The following TTC29 variants were observed in gnomAD, a reference collection of about 807,000 sequenced individuals.
TTC29 encodes the protein tetratricopeptide repeat protein 29.
A neutral mutation model predicts 58.1 loss-of-function variants in TTC29; 49 were observed. The observed-to-expected ratio is 0.84, with a 90% confidence interval of 0.67 to 1.07. The LOEUF is 1.07. TTC29 is among the 50% of genes least tolerant of loss of function. The probability of loss-of-function intolerance (pLI) is 0.00; values close to 1 mark genes in which losing one functional copy is unlikely to be tolerated. For missense variants in TTC29, 582 were observed against 555.6 expected (o/e 1.05, Z -0.48); for synonymous variants, 209 against 196.8 (o/e 1.06, Z -0.52).
chr4:146,922,012 C>CAA (rs34167190), intron 4 of TTC29, among the ~76,000 whole-genome samples: 162 of 107,330 alleles, frequency 1.5e-3, no homozygotes, highest in African/African-American at 4.3e-3. Context: ...GGATCCCCTA[C>CAA]AAAAAAAAAA....
intron 8 of TTC29, among the ~76,000 whole-genome samples, chr4:146,845,817 TCACA>T (rs112302644): frequency 0.066 from 9,779 of 148,874 alleles, 412 homozygotes; most frequent in Admixed American, 0.13. Flanking sequence ...GTACACACAA[TCACA>T]CACACACACA....
chr4:146,741,631 C>T (rs1166702929), intron 11 of TTC29, among the ~76,000 whole-genome samples: 1 of 152,054 alleles, frequency 6.6e-6, no homozygotes, highest in South Asian at 2.1e-4. Flanking sequence ...ATCTCCAGTT[C>T]CTCCTCTACA....
intron 11 of TTC29, among the ~76,000 whole-genome samples, chr4:146,737,749 G>T (rs1744830222): frequency 6.6e-6 from 1 of 152,060 alleles, no homozygotes; most frequent in South Asian, 2.1e-4. Flanking sequence ...TTCAGACCAA[G>T]GAACAAACAA....
At chr4:146,933,230 T>G (rs1735488362) in intron 4 of TTC29, among the ~76,000 whole-genome samples, 1 of 152,182 alleles carries the variant, frequency 6.6e-6, no homozygotes, top group Non-Finnish European at 1.5e-5. Context: ...AGTAATATCT[T>G]AGAGATGCCC....
intron 10 of TTC29, among the ~76,000 whole-genome samples, chr4:146,816,124 A>T (rs1230909915): frequency 6.6e-6 from 1 of 152,102 alleles, no homozygotes; most frequent in Non-Finnish European, 1.5e-5. Context: ...CAACTTCCAG[A>T]AGTTAAATTT....
At chr4:146,748,203 G>A (rs1745692325) in intron 11 of TTC29, among the ~76,000 whole-genome samples, 1 of 152,126 alleles carries the variant, frequency 6.6e-6, no homozygotes, top group Non-Finnish European at 1.5e-5. Context: ...TTCTTCCCTG[G>A]AGATACACCA....
chr4:146,833,885 A>C lies in TTC29; in HGVS notation c.898T>G (p.Tyr300Asp), dbSNP rs774101468. ...YETALTVLDT[Y>D]CKISTDLDDD... ...TCCAGGTCTGTGGAGATTTTACAGT[A>C]AGTGTCAAGGACCTATCAGGAAGAG... is the stretch of plus-strand genomic sequence containing the variant. Residue 300 changes from tyrosine to aspartate, a missense_variant, in exon 9 of 13, where the codon TAC becomes GAC. Tyr to Asp is a radical substitution (Grantham distance 160). Transcript: ENST00000325106. The C allele has an allele frequency of 6.2e-7, 1 of 1,612,616 alleles. No homozygotes were observed. Among genetic ancestry groups the C allele is most frequent in the South Asian group, 1.1e-5 (1 of 91,018 alleles).
At chr4:146,721,545 G>A (rs191700899) in intron 11 of TTC29, among the ~76,000 whole-genome samples, 124 of 152,232 alleles carry the variant, frequency 8.1e-4, no homozygotes, top group African/African-American at 2.8e-3. Context: ...TGAGTGAACA[G>A]TCTGCAGCTT....
At chr4:146,794,704 C>G (rs1006027105) in intron 11 of TTC29, among the ~76,000 whole-genome samples, 1 of 152,066 alleles carries the variant, frequency 6.6e-6, no homozygotes, top group Non-Finnish European at 1.5e-5. Context: ...AGGCTAGAAG[C>G]CCTTTGAAGG....
rs77388656 is a variant in TTC29 at position 146,932,686 on chromosome 4, T to C, written c.176+4908A>G. Among the ~76,000 whole-genome samples the C allele has an allele frequency of 3.3e-5, 5 of 152,234 alleles. No individual in the cohort carries two copies. In the East Asian group the frequency reaches 9.6e-4, roughly 29 times the overall value. ...AACCTAATCTGCAAAAAACAAAATG[T>C]GGACTGGCAAAACACTAATTTACTT... On this transcript the variant is annotated intron_variant, in intron 4 of 12. Coordinates refer to ENST00000325106, the MANE Select transcript of TTC29 (RefSeq NM_031956.4).
intron 10 of TTC29, among the ~76,000 whole-genome samples, chr4:146,809,658 A>C (rs903599694): frequency 6.7e-6 from 1 of 150,134 alleles, no homozygotes; most frequent in Admixed American, 6.8e-5. Context: ...AAACATATGA[A>C]AAAAAAGCTC....
At chr4:146,727,088 A>T (rs1482646331) in intron 11 of TTC29, among the ~76,000 whole-genome samples, 2 of 150,900 alleles carry the variant, frequency 1.3e-5, no homozygotes, top group African/African-American at 4.8e-5. Context: ...TTTATATAAA[A>T]TATATAATAT....
At chr4:146,834,456 ACAG>A (rs1176914683) in intron 8 of TTC29, among the ~76,000 whole-genome samples, 1 of 152,220 alleles carries the variant, frequency 6.6e-6, no homozygotes, top group African/African-American at 2.4e-5. Context: ...TCAAAAGATT[ACAG>A]CTGCCACAGC....
In TTC29 at chr4:146,833,900, A is replaced by C; in HGVS notation, c.886-3T>G. On this transcript the variant is annotated splice_polypyrimidine_tract_variant and splice_region_variant and intron_variant, in intron 8 of 12. Transcript: ENST00000325106. ...ATTTTACAGTAAGTGTCAAGGACCT[A>C]TCAGGAAGAGAAATACATATTGAAC... 1 of 1,606,542 alleles carries C rather than the reference A, an allele frequency of 6.2e-7. No individual in the cohort carries two copies. Among genetic ancestry groups the C allele is most frequent in the Non-Finnish European group, 8.5e-7 (1 of 1,174,010 alleles).
rs1292517858 is a variant in TTC29 at position 146,903,570 on chromosome 4, T to C, written c.560A>G (p.His187Arg). 1 of 1,612,470 alleles carries C rather than the reference T, an allele frequency of 6.2e-7. No individual in the cohort carries two copies. Among genetic ancestry groups the C allele is most frequent in the East Asian group, 2.2e-5 (1 of 44,728 alleles). ...CGKKEAEAHM[H>R]MGLLYEEDGQ... ...ATCTTCCTCGTAGAGAAGACCCATA[T>C]GCATGTGTGCCTCGGCTTCTTTCTT... Residue 187 changes from histidine to arginine, a missense_variant, in exon 6 of 13, where the codon CAT becomes CGT. Physicochemically the swap from His to Arg is conservative, Grantham distance 29. Coordinates refer to ENST00000325106, the MANE Select transcript of TTC29 (RefSeq NM_031956.4).
At chr4:146,857,668 T>G (rs1729960945) in intron 8 of TTC29, among the ~76,000 whole-genome samples, 2 of 152,162 alleles carry the variant, frequency 1.3e-5, no homozygotes, top group South Asian at 2.1e-4. Context: ...GCATCTGAGC[T>G]CCCCTCAGTT....
intron 4 of TTC29, among the ~76,000 whole-genome samples, chr4:146,928,134 G>A (rs1286283230): frequency 6.6e-6 from 1 of 152,108 alleles, no homozygotes; most frequent in Non-Finnish European, 1.5e-5. Flanking sequence ...CCAAGAGAAT[G>A]GAAATACACT....
intron 6 of TTC29, among the ~76,000 whole-genome samples, chr4:146,888,461 A>G (rs1732137308): frequency 1.3e-5 from 2 of 152,154 alleles, no homozygotes; most frequent in Admixed American, 6.5e-5. Flanking sequence ...CCAGTTTTAC[A>G]TGGGGATTCA....
chr4:146,846,699 C>T (rs749501063), intron 8 of TTC29, among the ~76,000 whole-genome samples: 18 of 152,122 alleles, frequency 1.2e-4, no homozygotes, highest in Non-Finnish European at 2.1e-4. Context: ...ACTAATCCTA[C>T]GAAAATTTCT....
Sources: gnomAD v4.1 joint callset for allele counts (sites outside exome capture counted in the v4.1 genomes callset) on GRCh38, gnomAD v4.1.1 for gene constraint, MANE v1.5 for transcripts, NCBI Gene and HGNC (gene_info 2026-07-23, HGNC 2026-07-21) for gene names.